IFRD1: variants seen among roughly 807,000 people sequenced by gnomAD.
IFRD1 encodes the protein interferon related developmental regulator 1, also known as interferon-related developmental regulator 1.
IFRD1 carries 35 observed loss-of-function variants against 52.9 expected under a neutral mutation model. The observed-to-expected ratio is 0.66, with a 90% CI of 0.51 to 0.88. The LOEUF (loss-of-function observed/expected upper bound fraction) is 0.88, where lower values mean the gene tolerates loss of function less well. Among genes scored for constraint, IFRD1 ranks in the 40% least tolerant of loss-of-function variants. The probability of loss-of-function intolerance (pLI) is 0.00; values close to 1 mark genes in which losing one functional copy is unlikely to be tolerated. For missense variants in IFRD1, 517 were observed against 550.8 expected (o/e 0.94, Z 0.61); for synonymous variants, 184 against 188.4 (o/e 0.98, Z 0.19).
At chr7:112,435,809 C>CAAT (rs957490482) in intron 1 of IFRD1, among the ~76,000 whole-genome samples, 26 of 151,660 alleles carry the variant, frequency 1.7e-4, no homozygotes, top group African/African-American at 4.4e-4. Flanking sequence ...ATTCATACTT[C>CAAT]AATATATCAT....
intron 9 of IFRD1, among the ~76,000 whole-genome samples, chr7:112,471,344 T>C (rs1312901516): frequency 1.3e-5 from 2 of 152,150 alleles, no homozygotes; most frequent in East Asian, 3.9e-4. Context: ...GTATTAAGTC[T>C]AGGGTTGACG....
At chr7:112,442,003 T>C (rs995780809) in intron 1 of IFRD1, among the ~76,000 whole-genome samples, 1 of 152,224 alleles carries the variant, frequency 6.6e-6, no homozygotes, top group Non-Finnish European at 1.5e-5. Context: ...CTAATATTAA[T>C]GGCTAACATG....
chr7:112,437,574 G>T (rs1338284835), intron 1 of IFRD1, among the ~76,000 whole-genome samples: 1 of 151,948 alleles, frequency 6.6e-6, no homozygotes, highest in Non-Finnish European at 1.5e-5. Flanking sequence ...CTGATAAGTG[G>T]TAAAGCCAGG....
At chr7:112,434,219 T>C (rs539009255) in intron 1 of IFRD1, among the ~76,000 whole-genome samples, 159 of 152,302 alleles carry the variant, frequency 1.0e-3, no homozygotes, top group Non-Finnish European at 8.4e-4. Context: ...TCATTTTCAT[T>C]GAGGTCCCCG....
In IFRD1 at chr7:112,458,978, T is replaced by A. The variant is rs1393243750; in HGVS notation, c.527T>A (p.Ile176Asn). ...LKTLGPILKK[I>N]ICDGSASMQA... ...ACTCTTGGACCAATCCTAAAGAAAA[T>A]CATTTGTGATGGGTCAGCTAGTATG... The change falls in exon 5 of 12, where the codon ATC (isoleucine) becomes AAC (asparagine). Residue 176 changes from isoleucine to asparagine, a missense_variant. Coordinates refer to ENST00000403825, the MANE Select transcript of IFRD1 (RefSeq NM_001550.4). 6.2e-7 allele frequency: 1 copy of A among 1,613,892 alleles called. No individual in the cohort carries two copies.
At chr7:112,451,523 C>G (rs1795165597) in intron 1 of IFRD1, among the ~76,000 whole-genome samples, 1 of 152,142 alleles carries the variant, frequency 6.6e-6, no homozygotes, top group South Asian at 2.1e-4. Flanking sequence ...CTGCAGTGAG[C>G]CCCAGAGAGG....
intron 5 of IFRD1, among the ~76,000 whole-genome samples, chr7:112,459,883 C>G (rs1795389190): frequency 6.6e-6 from 1 of 152,200 alleles, no homozygotes; most frequent in South Asian, 2.1e-4. Context: ...GCTGTTTGCC[C>G]TGGAGGCAAA....
chr7:112,457,176 G>T, intron 4 of IFRD1, 138 bp downstream of exon 4: 1 of 853,886 alleles, frequency 1.2e-6, no homozygotes, highest in South Asian at 1.4e-5. Flanking sequence ...GCACCATCTT[G>T]TTATGGCTCA....
intron 5 of IFRD1, among the ~76,000 whole-genome samples, chr7:112,459,350 C>G (rs1795374614): frequency 6.6e-6 from 1 of 152,094 alleles, no homozygotes; most frequent in African/African-American, 2.4e-5. Flanking sequence ...GGATGTTTAC[C>G]TCTTGCAACA....
At chr7:112,430,865 C>A (rs953824119) in intron 1 of IFRD1, among the ~76,000 whole-genome samples, 8 of 152,178 alleles carry the variant, frequency 5.3e-5, no homozygotes, top group Non-Finnish European at 8.8e-5. Flanking sequence ...GTAGAAGATT[C>A]TCCCAGCATC....
At chr7:112,466,726 A>G (rs1330429427) in intron 8 of IFRD1, among the ~76,000 whole-genome samples, 1 of 152,226 alleles carries the variant, frequency 6.6e-6, no homozygotes, top group African/African-American at 2.4e-5. Context: ...CCCTTTACAT[A>G]TACATATATA....
In IFRD1 at chr7:112,441,700, T is replaced by C. The variant is rs112119182; in HGVS notation, c.-181-8808T>C. Among the ~76,000 whole-genome samples the C allele has an allele frequency of 8.4e-3, 1,274 of 152,360 alleles. 16 individuals carry two copies. The highest frequency in any genetic ancestry group is 0.029 in the African/African-American group (1,204 of 41,576). ...AGACAGTCCAGAATCTTTGAGTGTC[T>C]CTCAGTTCTAATTCTGAATTCCAAG... On this transcript the variant is annotated intron_variant, in intron 1 of 12. Coordinates refer to the IFRD1 transcript ENST00000005558.
intron 1 of IFRD1, chr7:112,452,335 AT>A (rs1563264532): frequency 2.5e-6 from 1 of 393,982 alleles, no homozygotes; most frequent in Non-Finnish European, 3.5e-6. Flanking sequence ...TATTTTTTAC[AT>A]TTTTTGTGGA....
At chr7:112,423,982 C>T (rs950057136) in intron 1 of IFRD1, among the ~76,000 whole-genome samples, 2 of 152,232 alleles carry the variant, frequency 1.3e-5, no homozygotes, top group Admixed American at 6.5e-5. Flanking sequence ...TTAACGAGAG[C>T]GGGATCTGTT....
upstream of IFRD1, among the ~76,000 whole-genome samples, chr7:112,448,918 A>T (rs1254415340): frequency 6.6e-6 from 1 of 152,216 alleles, no homozygotes; most frequent in African/African-American, 2.4e-5. Flanking sequence ...AGGAGAAGAG[A>T]GCCGTGTATT....
intron 1 of IFRD1, among the ~76,000 whole-genome samples, chr7:112,434,148 G>A (rs968443427): frequency 7.2e-5 from 11 of 152,160 alleles, no homozygotes; most frequent in Non-Finnish European, 1.3e-4. Flanking sequence ...TGATGAGCAT[G>A]TCTTGCTCTC....
At chr7:112,467,869 T>G in intron 8 of IFRD1, 112 bp from the exon 9 acceptor site, 1 of 1,006,114 alleles carries the variant, frequency 9.9e-7, no homozygotes, top group South Asian at 1.4e-5. Flanking sequence ...AAGATTTACA[T>G]TGCCTTATGC....
intron 1 of IFRD1, among the ~76,000 whole-genome samples, chr7:112,438,765 G>T (rs887370591): frequency 6.6e-5 from 10 of 152,094 alleles, no homozygotes; most frequent in African/African-American, 2.4e-4. Flanking sequence ...TATCATGTGG[G>T]TGGAGTCTGT....
intron 1 of IFRD1, among the ~76,000 whole-genome samples, chr7:112,453,518 T>TA (rs1356138131): frequency 6.6e-6 from 1 of 152,046 alleles, no homozygotes; most frequent in Admixed American, 6.6e-5. Flanking sequence ...GGGAGCAGAG[T>TA]AAGAGCTGCA....
Sources: gnomAD v4.1 joint callset for allele counts (sites outside exome capture counted in the v4.1 genomes callset) on GRCh38, gnomAD v4.1.1 for gene constraint, MANE v1.5 for transcripts, NCBI Gene and HGNC (gene_info 2026-07-23, HGNC 2026-07-21) for gene names.